The following S100A10 variants were observed in gnomAD, a reference collection of about 807,000 sequenced individuals.
S100A10 encodes protein S100-A10.
In S100A10, 3 loss-of-function variants were observed where a neutral mutation model predicts 7.1. The ratio of observed to expected loss-of-function variants is 0.42; its 90% confidence interval spans 0.19 to 1.10. S100A10 has a LOEUF of 1.10. Ranked by LOEUF, S100A10 falls within the 50% of genes least tolerant of loss-of-function variation. The pLI, the probability that S100A10 is intolerant of heterozygous loss-of-function variation, is 0.29. For synonymous variants in S100A10, 41 were observed against 39.3 expected (o/e 1.04, Z -0.16); for missense variants, 101 against 118.1 (o/e 0.86, Z 0.67).
At chr1:151,987,912 C>A (rs550331452) in intron 1 of S100A10, among the ~76,000 whole-genome samples, 5 of 152,200 alleles carry the variant, frequency 3.3e-5, no homozygotes, top group Non-Finnish European at 5.9e-5. Flanking sequence ...TACAGTTGCT[C>A]TACCCAAACA....
rs560422466 is a variant in S100A10, at chr1:151,992,756, A to T, written c.-22+996T>A. ...GGGGGCAGAAAACGGGGTGGGCTTA[A>T]TGCATCCCAGAATCTGGCTTAGGGC... On this transcript the variant is annotated intron_variant, in intron 1 of 2. Transcript: ENST00000368811. Among the ~76,000 whole-genome samples the T allele has an allele frequency of 2.0e-5, 3 of 152,302 alleles. No individual in the cohort carries two copies. The South Asian group carries it at 6.2e-4, about 32-fold the overall frequency.
chr1:151,989,755 A>G (rs1179871023), intron 1 of S100A10, among the ~76,000 whole-genome samples: 1 of 152,222 alleles, frequency 6.6e-6, no homozygotes, highest in African/African-American at 2.4e-5. Flanking sequence ...GCTAGCTGCC[A>G]AAACTGAAGT....
intron 2 of S100A10, among the ~76,000 whole-genome samples, chr1:151,983,759 G>T (rs1018889002): frequency 6.6e-6 from 1 of 152,176 alleles, no homozygotes; most frequent in African/African-American, 2.4e-5. Flanking sequence ...TCTCATTCTT[G>T]GCACAGCTGA....
rs1655942840 is a variant in S100A10 at position 151,993,153 on chromosome 1, C to T, written c.-22+599G>A. ...CTGCTGTAGAAAGAAAACAAGTGGA[C>T]CTCCCTCCCTCAGCAGGAAGACCCT... On this transcript the variant is annotated intron_variant, in intron 1 of 2. Transcript: ENST00000368811. This position sits in a 1 kb window ranked among gnomAD's most constrained non-coding sequence, Gnocchi z 5.1. Among the ~76,000 whole-genome samples the T allele has an allele frequency of 6.6e-6, 1 of 152,194 alleles. No homozygotes were observed. The highest frequency in any genetic ancestry group is 1.5e-5 in the Non-Finnish European group (1 of 68,026).
intron 1 of S100A10, among the ~76,000 whole-genome samples, chr1:151,990,538 T>C (rs552647081): frequency 6.6e-6 from 1 of 152,364 alleles, no homozygotes; most frequent in African/African-American, 2.4e-5. Context: ...TTTCTCTGCA[T>C]AGTTTTCTCT....
At chr1:151,984,489 GCT>G (rs1655752110) in intron 2 of S100A10, among the ~76,000 whole-genome samples, 1 of 152,254 alleles carries the variant, frequency 6.6e-6, no homozygotes, top group East Asian at 1.9e-4. Context: ...GAAACAAAAT[GCT>G]CTGTTAATGC....
In S100A10 at chr1:151,993,620, C is replaced by G. The variant is rs1328634175; in HGVS notation, c.-22+132G>C. 1 of 152,360 alleles carries G rather than the reference C, an allele frequency of 6.6e-6. No homozygotes were observed. Among genetic ancestry groups the G allele is most frequent in the African/African-American group, 2.4e-5 (1 of 41,438 alleles). The allele number at this position is 152,360 out of a possible 1,614,324, so 9.4% of individuals were successfully genotyped here. ...CCCGGAGCACTGAGCAGCGGATTCC[C>G]CACCAGCCGCTCCCCGCCCAGCCCC... On this transcript the variant is annotated intron_variant, in intron 1 of 2. Transcript: ENST00000368811. The surrounding 1 kb of genome is among the most constrained non-coding windows in gnomAD (Gnocchi z 5.1).
At chr1:151,987,582 C>T (rs1337795216) in intron 1 of S100A10, among the ~76,000 whole-genome samples, 1 of 149,496 alleles carries the variant, frequency 6.7e-6, no homozygotes, top group Non-Finnish European at 1.5e-5. Context: ...CTCTGTTGCC[C>T]AGGCTGGAGT....
At chr1:151,988,580 G>A (rs1399084055) in intron 1 of S100A10, among the ~76,000 whole-genome samples, 2 of 152,206 alleles carry the variant, frequency 1.3e-5, no homozygotes, top group East Asian at 1.9e-4. Flanking sequence ...GGAACCAGCA[G>A]GCCAAAGAAT....
At chr1:151,987,533 G>C (rs1418172189) in intron 1 of S100A10, among the ~76,000 whole-genome samples, 1 of 130,970 alleles carries the variant, frequency 7.6e-6, no homozygotes, top group African/African-American at 2.8e-5. Context: ...GGGTATATAT[G>C]TATTCTTTTT....
chr1:151,986,277 G>A (rs1313690071), intron 1 of S100A10, 26 bp from the exon 2 acceptor site: 26 of 1,510,132 alleles, frequency 1.7e-5, no homozygotes, highest in South Asian at 2.6e-5. Flanking sequence ...AAGTAACAGG[G>A]TCTACATTAA....
At chr1:151,984,530 ACT>A (rs1655752751) in intron 2 of S100A10, among the ~76,000 whole-genome samples, 1 of 151,856 alleles carries the variant, frequency 6.6e-6, no homozygotes, top group African/African-American at 2.4e-5. Context: ...CAGAATTATG[ACT>A]CTGTGCCTGG....
chr1:151,993,830 C>CAA lies in S100A10; in HGVS notation c.-101_-100insTT, dbSNP rs1285615729. 1 of 154,548 alleles carries CAA rather than the reference C, an allele frequency of 6.5e-6. No individual in the cohort carries two copies. Among genetic ancestry groups the CAA allele is most frequent in the Non-Finnish European group, 1.4e-5 (1 of 69,602 alleles). 9.6% of individuals were successfully genotyped at this position (154,548 alleles called of 1,614,324 possible). A position where few individuals can be genotyped will look rare whatever the true frequency, so the allele number is the denominator to read the frequency against. ...GGAGAGGCGAGCGCGGCGGGCTGTG[C>CAA]GCCTTCCTTAGTACGTGCGGCGGGT... On this transcript the variant is annotated 5_prime_UTR_variant, in exon 1 of 3. Transcript: ENST00000368811. The surrounding 1 kb of genome is among the most constrained non-coding windows in gnomAD (Gnocchi z 5.1).
At chr1:151,990,865 T>C (rs371815788) in intron 1 of S100A10, among the ~76,000 whole-genome samples, 10 of 152,248 alleles carry the variant, frequency 6.6e-5, no homozygotes, top group Non-Finnish European at 1.0e-4. Flanking sequence ...CCAGCCCTCA[T>C]AGAGCCTGCT....
intron 2 of S100A10, chr1:151,985,301 C>A (rs1438624171): frequency 3.3e-5 from 5 of 152,038 alleles, no homozygotes; most frequent in African/African-American, 1.2e-4. Context: ...CAATGTTGCA[C>A]CTTCAGTTGA....
intron 2 of S100A10, among the ~76,000 whole-genome samples, chr1:151,984,692 G>A (rs1321619088): frequency 6.6e-6 from 1 of 152,198 alleles, no homozygotes; most frequent in African/African-American, 2.4e-5. Flanking sequence ...TTAGTGTACT[G>A]AGAATGCCTT....
Position 151,993,470 on chromosome 1 carries a change from G to T in S100A10, c.-22+282C>A, listed in dbSNP as rs933227805. 6.6e-6 allele frequency among the ~76,000 whole-genome samples: 1 copy of T among 152,220 alleles called. No individual in the cohort carries two copies. Among genetic ancestry groups the T allele is most frequent in the Non-Finnish European group, 1.5e-5 (1 of 68,042 alleles). ...CAAACATAAAGGGAGGAGGGAAGAG[G>T]TTCAGGCGCACCAATACCACGGTCC... On this transcript the variant is annotated intron_variant, in intron 1 of 2. Coordinates refer to ENST00000368811, the MANE Select transcript of S100A10 (RefSeq NM_002966.3). This position sits in a 1 kb window ranked among gnomAD's most constrained non-coding sequence, Gnocchi z 5.1.
At chr1:151,989,727 A>C (rs1189228860) in intron 1 of S100A10, among the ~76,000 whole-genome samples, 5 of 152,334 alleles carry the variant, frequency 3.3e-5, no homozygotes, top group African/African-American at 1.2e-4. Context: ...TTGCCTGGGC[A>C]GGGCTGTCTG....
chr1:151,988,393 C>A (rs1407100453), intron 1 of S100A10, among the ~76,000 whole-genome samples: 1 of 152,188 alleles, frequency 6.6e-6, no homozygotes, highest in Non-Finnish European at 1.5e-5. Flanking sequence ...CTGAAGAGCT[C>A]TAATGGGAAC....
Sources: allele counts gnomAD v4.1 joint callset (sites outside exome capture counted in the v4.1 genomes callset), GRCh38; gene constraint gnomAD v4.1.1; non-coding constraint Gnocchi (gnomAD v3.1); transcripts MANE v1.5; gene names NCBI Gene and HGNC (gene_info 2026-07-23, HGNC 2026-07-21).